Variants in ESRRG observed in about 807,000 individuals in gnomAD.
ESRRG encodes estrogen related receptor gamma, also known as estrogen-related receptor gamma.
In ESRRG, 13 loss-of-function variants were observed where a neutral mutation model predicts 44.0. That is an observed-to-expected ratio of 0.30 (90% confidence interval 0.19 to 0.47). ESRRG has a LOEUF of 0.47. Among genes scored for constraint, ESRRG ranks in the 20% least tolerant of loss-of-function variants. The probability of loss-of-function intolerance (pLI) is 1.00; values close to 1 mark genes in which losing one functional copy is unlikely to be tolerated. For missense variants in ESRRG, 395 were observed against 580.6 expected (o/e 0.68, Z 3.29); for synonymous variants, 215 against 214.6 (o/e 1.00, Z -0.02).
intron 1 of ESRRG, among the ~76,000 whole-genome samples, chr1:217,102,049 C>T (rs2092522621): frequency 6.6e-6 from 1 of 152,114 alleles, no homozygotes; most frequent in South Asian, 2.1e-4. Context: ...CAGGTGATCC[C>T]CCCGCTTCGG....
At chr1:216,533,160 A>G (rs1382770697) in intron 5 of ESRRG, among the ~76,000 whole-genome samples, 2 of 152,132 alleles carry the variant, frequency 1.3e-5, no homozygotes, top group Non-Finnish European at 2.9e-5. Context: ...ATGTGTATAA[A>G]TACTAAATAC....
intron 1 of ESRRG, among the ~76,000 whole-genome samples, chr1:216,956,860 T>C (rs1330208543): frequency 6.6e-6 from 1 of 152,014 alleles, no homozygotes; most frequent in Non-Finnish European, 1.5e-5. Flanking sequence ...AAGCTTTCAA[T>C]CAAGGAATAA....
chr1:216,779,013 C>T (rs1230115818), intron 2 of ESRRG, among the ~76,000 whole-genome samples: 3 of 147,918 alleles, frequency 2.0e-5, no homozygotes, highest in East Asian at 2.0e-4. Flanking sequence ...TGAAACAATG[C>T]CAGAATACAG....
At chr1:217,132,307 G>T (rs759148959) in intron 1 of ESRRG, among the ~76,000 whole-genome samples, 2 of 152,034 alleles carry the variant, frequency 1.3e-5, no homozygotes, top group Admixed American at 6.6e-5. Context: ...AATTAATTCC[G>T]TATTCTAGTC....
intron 1 of ESRRG, among the ~76,000 whole-genome samples, chr1:217,001,717 G>C (rs996896791): frequency 4.6e-5 from 7 of 152,150 alleles, no homozygotes; most frequent in African/African-American, 1.7e-4. Flanking sequence ...AGAGGAGTTA[G>C]AGTGGAGGTC....
intron 3 of ESRRG, among the ~76,000 whole-genome samples, chr1:216,575,645 G>A (rs144193449): frequency 6.6e-6 from 1 of 152,180 alleles, no homozygotes; most frequent in East Asian, 1.9e-4. Context: ...GAACTAGTAA[G>A]AGGCAGAAAC....
At chr1:216,974,159 A>C (rs77609383) in intron 1 of ESRRG, among the ~76,000 whole-genome samples, 2,220 of 152,310 alleles carry the variant, frequency 0.015, 62 homozygotes, top group African/African-American at 0.051. Flanking sequence ...TCTTCCCAAA[A>C]GTCTTGCTAA....
At chr1:216,791,128 C>T (rs966523564) in intron 2 of ESRRG, among the ~76,000 whole-genome samples, 4 of 152,066 alleles carry the variant, frequency 2.6e-5, no homozygotes, top group African/African-American at 9.7e-5. Flanking sequence ...GGTATTTTCC[C>T]CAACCAAATC....
intron 2 of ESRRG, among the ~76,000 whole-genome samples, chr1:216,826,112 G>A (rs933062742): frequency 2.0e-5 from 3 of 151,252 alleles, no homozygotes; most frequent in Non-Finnish European, 4.4e-5. Flanking sequence ...CAGGCAGGTA[G>A]AGTTACTTTG....
intron 1 of ESRRG, among the ~76,000 whole-genome samples, chr1:216,968,703 T>TTC (rs1374031396): frequency 9.0e-6 from 1 of 111,350 alleles, no homozygotes; most frequent in Non-Finnish European, 2.2e-5. Context: ...GTATGGGTCT[T>TTC]TTTTTTTTTT....
chr1:217,050,203 G>A (rs558690157), intron 1 of ESRRG, among the ~76,000 whole-genome samples: 1 of 152,120 alleles, frequency 6.6e-6, no homozygotes, highest in Non-Finnish European at 1.5e-5. Flanking sequence ...AGCTGGGGGG[G>A]TGAAAAAGAA....
intron 2 of ESRRG, among the ~76,000 whole-genome samples, chr1:216,873,882 G>GGGAGGGAAGGGAAGT (rs2096297918): frequency 5.5e-5 from 1 of 18,214 alleles, no homozygotes; most frequent in African/African-American, 3.2e-4. Flanking sequence ...GAGAAGGGAG[G>GGGAGGGAAGGGAAGT]GAAGGGAAGG....
At chr1:216,607,341 T>G (rs1243537234) in intron 3 of ESRRG, among the ~76,000 whole-genome samples, 3 of 152,166 alleles carry the variant, frequency 2.0e-5, no homozygotes, top group African/African-American at 7.2e-5. Flanking sequence ...TTGTTTACAT[T>G]TATTATGTAG....
intron 1 of ESRRG, among the ~76,000 whole-genome samples, chr1:216,994,532 G>A (rs911051029): frequency 6.6e-6 from 1 of 152,194 alleles, no homozygotes; most frequent in East Asian, 1.9e-4. Flanking sequence ...CGGTAAAAAA[G>A]TATATATTGG....
chr1:216,830,307 T>G (rs2095467822), intron 2 of ESRRG, among the ~76,000 whole-genome samples: 1 of 152,172 alleles, frequency 6.6e-6, no homozygotes. Flanking sequence ...CAGTTCTAAT[T>G]ATGTTCCTGT....
intron 2 of ESRRG, among the ~76,000 whole-genome samples, chr1:216,809,057 G>T (rs534872985): frequency 6.6e-6 from 1 of 152,180 alleles, no homozygotes; most frequent in South Asian, 2.1e-4. Flanking sequence ...TTCGTACAGG[G>T]TGCTACGCTA....
chr1:217,049,027 C>T (rs2085410924), intron 1 of ESRRG, among the ~76,000 whole-genome samples: 1 of 152,168 alleles, frequency 6.6e-6, no homozygotes, highest in Admixed American at 6.5e-5. Context: ...TGACCACCTC[C>T]TGCCTTGCCT....
intron 2 of ESRRG, among the ~76,000 whole-genome samples, chr1:216,906,047 A>G (rs901607881): frequency 6.6e-6 from 1 of 152,242 alleles, no homozygotes; most frequent in African/African-American, 2.4e-5. Flanking sequence ...CACTGTGCTC[A>G]GCGCTGTTAA....
chr1:217,106,003 T>A (rs1288837969), intron 1 of ESRRG, among the ~76,000 whole-genome samples: 4 of 152,214 alleles, frequency 2.6e-5, no homozygotes, highest in Non-Finnish European at 5.9e-5. Context: ...CAGACTGTGA[T>A]GAATTCAGTT....
Sources: gnomAD v4.1 joint callset for allele counts (sites outside exome capture counted in the v4.1 genomes callset) on GRCh38, gnomAD v4.1.1 for gene constraint, MANE v1.5 for transcripts, NCBI Gene and HGNC (gene_info 2026-07-23, HGNC 2026-07-21) for gene names.